IGSF11: variants seen among roughly 807,000 people sequenced by gnomAD.
IGSF11 encodes the protein CXADR like 1.
Under a neutral mutation model 41.0 loss-of-function variants are expected in IGSF11, and 22 were observed. The observed-to-expected ratio is 0.54, with a 90% CI of 0.38 to 0.77. The LOEUF (loss-of-function observed/expected upper bound fraction) is 0.77. IGSF11 is among the 30% of genes least tolerant of loss of function. The probability of loss-of-function intolerance (pLI) is 0.00; values close to 1 mark genes in which losing one functional copy is unlikely to be tolerated. For synonymous variants in IGSF11, 219 were observed against 201.3 expected, an observed-to-expected ratio of 1.09 and a Z score of -0.74; for missense variants, 444 against 530.8, an observed-to-expected ratio of 0.84 and a Z score of 1.61.
At chr3:119,115,204 A>C (rs1391425390) in intron 1 of IGSF11, among the ~76,000 whole-genome samples, 1 of 152,184 alleles carries the variant, frequency 6.6e-6, no homozygotes, top group Non-Finnish European at 1.5e-5. Context: ...TGCTGCAATA[A>C]ACATGAAAGT....
intron 1 of IGSF11, among the ~76,000 whole-genome samples, chr3:119,049,849 T>C (rs1170215462): frequency 1.4e-5 from 2 of 147,736 alleles, no homozygotes; most frequent in African/African-American, 2.5e-5. Context: ...ACGCCGCATA[T>C]CTACAACTAT....
intron 1 of IGSF11, among the ~76,000 whole-genome samples, chr3:119,052,011 C>T (rs1439560115): frequency 6.6e-6 from 1 of 152,028 alleles, no homozygotes; most frequent in Non-Finnish European, 1.5e-5. Flanking sequence ...GCATTAAATG[C>T]CTACATCAAA....
chr3:119,012,774 C>T (rs746575680), intron 1 of IGSF11: 3 of 152,206 alleles, frequency 2.0e-5, no homozygotes, highest in Non-Finnish European at 4.4e-5. Flanking sequence ...AGGAATCTCA[C>T]ATGATCTTTA....
intron 1 of IGSF11, among the ~76,000 whole-genome samples, chr3:119,049,104 C>T (rs1254682500): frequency 2.0e-5 from 3 of 151,720 alleles, no homozygotes; most frequent in African/African-American, 7.3e-5. Flanking sequence ...GGGATGCCCT[C>T]TCTCACCACT....
At chr3:118,934,988 A>ATT (rs1202194257) in intron 1 of IGSF11, among the ~76,000 whole-genome samples, 1 of 151,914 alleles carries the variant, frequency 6.6e-6, no homozygotes, top group African/African-American at 2.4e-5. Flanking sequence ...CCTACTCATC[A>ATT]TTTACAATAG....
intron 1 of IGSF11, among the ~76,000 whole-genome samples, chr3:119,056,845 C>G (rs1164394993): frequency 6.6e-6 from 1 of 152,184 alleles, no homozygotes; most frequent in African/African-American, 2.4e-5. Flanking sequence ...CTTAATCCAG[C>G]ATATAAACAG....
intron 1 of IGSF11, among the ~76,000 whole-genome samples, chr3:118,987,276 G>A (rs1231558889): frequency 6.6e-6 from 1 of 152,208 alleles, no homozygotes; most frequent in Non-Finnish European, 1.5e-5. Flanking sequence ...TATTTCTTGT[G>A]TTCATCCCAG....
intron 1 of IGSF11, among the ~76,000 whole-genome samples, chr3:118,983,629 G>T (rs906342469): frequency 6.6e-6 from 1 of 152,038 alleles, no homozygotes; most frequent in Non-Finnish European, 1.5e-5. Flanking sequence ...AATGAGGTGG[G>T]TATTATTATT....
At chr3:118,968,256 G>A (rs1052486441) in intron 1 of IGSF11, among the ~76,000 whole-genome samples, 4 of 152,122 alleles carry the variant, frequency 2.6e-5, no homozygotes, top group African/African-American at 7.2e-5. Context: ...GGTGCTGAAC[G>A]AGAACAGAGT....
At chr3:119,122,148 C>T (rs752225613) in intron 1 of IGSF11, among the ~76,000 whole-genome samples, 21 of 152,208 alleles carry the variant, frequency 1.4e-4, no homozygotes, top group Non-Finnish European at 2.5e-4. Flanking sequence ...GAAAGAGGCA[C>T]TGAAAAGGGC....
At chr3:118,912,845 T>C (rs546268632) in intron 4 of IGSF11, among the ~76,000 whole-genome samples, 20 of 151,984 alleles carry the variant, frequency 1.3e-4, no homozygotes, top group South Asian at 4.2e-4. Context: ...AAAGGCAACA[T>C]AGAAATAGCC....
At chr3:119,046,412 A>G (rs140145595) in intron 1 of IGSF11, among the ~76,000 whole-genome samples, 71 of 152,324 alleles carry the variant, frequency 4.7e-4, no homozygotes, top group African/African-American at 1.7e-3. Flanking sequence ...AGATGAAATG[A>G]ATGAAATGAA....
chr3:118,979,652 C>T (rs1326633299), intron 1 of IGSF11, among the ~76,000 whole-genome samples: 2 of 152,022 alleles, frequency 1.3e-5, no homozygotes, highest in Non-Finnish European at 1.5e-5. Context: ...CTAAAAAGCA[C>T]AGGCAACAAA....
intron 1 of IGSF11, among the ~76,000 whole-genome samples, chr3:118,940,382 T>C (rs1375250175): frequency 6.6e-6 from 1 of 152,138 alleles, no homozygotes; most frequent in Non-Finnish European, 1.5e-5. Flanking sequence ...TTCTATACAG[T>C]AGCAATGAAT....
At chr3:119,127,567 G>T (rs1463567007) in intron 1 of IGSF11, among the ~76,000 whole-genome samples, 2 of 152,024 alleles carry the variant, frequency 1.3e-5, no homozygotes, top group African/African-American at 2.4e-5. Flanking sequence ...CATTAAGATA[G>T]TCCACGAGAA....
At chr3:119,112,314 C>T (rs539221757) in intron 1 of IGSF11, among the ~76,000 whole-genome samples, 1 of 152,298 alleles carries the variant, frequency 6.6e-6, no homozygotes, top group African/African-American at 2.4e-5. Context: ...GCCCCTCCCC[C>T]AGCCTCTCTG....
rs189484413 is a variant in IGSF11 at position 119,009,585 on chromosome 3, C to T, written c.52+24946G>A. On this transcript the variant is annotated intron_variant, in intron 1 of 6. Transcript: ENST00000393775. ...ATGACTATAAGTTTCCTGAGGCCTC[C>T]CAAGCAATGTGGAACTGTCAGTCAA... Among the ~76,000 whole-genome samples the T allele has an allele frequency of 2.0e-4, 31 of 152,262 alleles. No individual in the cohort carries two copies. In the East Asian group the frequency reaches 5.8e-3, roughly 28 times the overall value.
At chr3:119,079,494 A>C (rs2076554391) in intron 1 of IGSF11, among the ~76,000 whole-genome samples, 1 of 152,264 alleles carries the variant, frequency 6.6e-6, no homozygotes, top group Admixed American at 6.5e-5. Context: ...CAAAGAGCTT[A>C]AAGAGAACTA....
At chr3:118,923,802 C>A (rs538571197) in intron 4 of IGSF11, among the ~76,000 whole-genome samples, 1 of 152,232 alleles carries the variant, frequency 6.6e-6, no homozygotes, top group South Asian at 2.1e-4. Flanking sequence ...GTGTTTTTGA[C>A]AGCAATATCA....
Sources: allele counts gnomAD v4.1 joint callset (sites outside exome capture counted in the v4.1 genomes callset), GRCh38; gene constraint gnomAD v4.1.1; transcripts MANE v1.5; gene names NCBI Gene and HGNC (gene_info 2026-07-23, HGNC 2026-07-21).